Variants in FHOD3 observed in about 807,000 individuals in gnomAD.
FHOD3 encodes formin homology 2 domain containing 3, also known as FH1/FH2 domain-containing protein 3.
A neutral mutation model predicts 173.0 loss-of-function variants in FHOD3; 90 were observed. The observed-to-expected ratio is 0.52, with a 90% CI of 0.44 to 0.62. The LOEUF (loss-of-function observed/expected upper bound fraction) is 0.62, where lower values mean the gene tolerates loss of function less well. Among genes scored for constraint, FHOD3 ranks in the 20% least tolerant of loss-of-function variants. The pLI, the probability that FHOD3 is intolerant of heterozygous loss-of-function variation, is 0.00. For synonymous variants in FHOD3, 828 were observed against 823.0 expected (o/e 1.01, Z -0.10); for missense variants, 1,945 against 2,034.7 (o/e 0.96, Z 0.85).
chr18:36,649,840 T>C (rs1244267221), intron 11 of FHOD3, among the ~76,000 whole-genome samples: 1 of 152,234 alleles, frequency 6.6e-6, no homozygotes, highest in Non-Finnish European at 1.5e-5. Context: ...ATAACTACTA[T>C]ATTAATGATT....
chr18:36,394,724 C>T (rs557308099), intron 3 of FHOD3, among the ~76,000 whole-genome samples: 2 of 152,264 alleles, frequency 1.3e-5, no homozygotes, highest in African/African-American at 4.8e-5. Flanking sequence ...GGCCTGTAAT[C>T]AACTATGTCT....
intron 7 of FHOD3, among the ~76,000 whole-genome samples, chr18:36,596,224 G>A (rs748632930): frequency 4.0e-5 from 6 of 151,352 alleles, no homozygotes; most frequent in Non-Finnish European, 8.8e-5. Flanking sequence ...GCGCGATCTC[G>A]GCTCACTGCA....
chr18:36,314,473 A>C (rs2044023217), intron 1 of FHOD3, among the ~76,000 whole-genome samples: 1 of 152,230 alleles, frequency 6.6e-6, no homozygotes, highest in Admixed American at 6.5e-5. Context: ...GCAGTAATGG[A>C]GGAATGCAGC....
intron 5 of FHOD3, among the ~76,000 whole-genome samples, chr18:36,572,430 AG>A (rs1420141431): frequency 2.6e-5 from 4 of 152,160 alleles, no homozygotes; most frequent in Non-Finnish European, 5.9e-5. Context: ...GAATCTATTT[AG>A]CGCCATCTCG....
intron 1 of FHOD3, among the ~76,000 whole-genome samples, chr18:36,340,177 A>G (rs2045539815): frequency 6.6e-6 from 1 of 152,248 alleles, no homozygotes; most frequent in African/African-American, 2.4e-5. Context: ...GCTTTATGCA[A>G]GAGCTTTGAT....
At chr18:36,439,815 G>A (rs1028673226) in intron 3 of FHOD3, among the ~76,000 whole-genome samples, 1 of 152,124 alleles carries the variant, frequency 6.6e-6, no homozygotes, top group South Asian at 2.1e-4. Flanking sequence ...ATATCCTAGT[G>A]CAGGAAAAGA....
At chr18:36,692,995 C>T in intron 16 of FHOD3, 1 of 590,308 alleles carries the variant, frequency 1.7e-6, no homozygotes, top group Non-Finnish European at 3.0e-6. Flanking sequence ...TGCCATTTCC[C>T]CCAATTTGCT....
intron 14 of FHOD3, among the ~76,000 whole-genome samples, chr18:36,675,171 A>T (rs1399412429): frequency 6.6e-6 from 1 of 151,972 alleles, no homozygotes; most frequent in Non-Finnish European, 1.5e-5. Flanking sequence ...CCCACCCTCC[A>T]TGGCCACCTC....
intron 3 of FHOD3, among the ~76,000 whole-genome samples, chr18:36,400,839 T>C (rs2048771836): frequency 6.6e-6 from 1 of 151,866 alleles, no homozygotes; most frequent in Non-Finnish European, 1.5e-5. Context: ...AGAGGACCCA[T>C]CCCGGAAGCA....
chr18:36,776,805 G>C (rs1025267240), intron 28 of FHOD3, among the ~76,000 whole-genome samples: 2 of 152,156 alleles, frequency 1.3e-5, no homozygotes, highest in African/African-American at 4.8e-5. Context: ...ACGAGGGAGA[G>C]GGCACAGGCT....
chr18:36,529,547 G>A (rs377272239), intron 5 of FHOD3, among the ~76,000 whole-genome samples: 11 of 152,130 alleles, frequency 7.2e-5, no homozygotes, highest in East Asian at 1.9e-4. Flanking sequence ...GGCTGGGCAC[G>A]GTGGCTCACG....
chr18:36,638,986 C>T (rs1333356260), intron 10 of FHOD3, among the ~76,000 whole-genome samples: 1 of 152,132 alleles, frequency 6.6e-6, no homozygotes, highest in Non-Finnish European at 1.5e-5. Context: ...GTTATAACAG[C>T]CAGAACTGGA....
intron 4 of FHOD3, among the ~76,000 whole-genome samples, chr18:36,508,694 A>G (rs2055447985): frequency 6.6e-6 from 1 of 151,358 alleles, no homozygotes; most frequent in African/African-American, 2.4e-5. Context: ...CTAGCTTACT[A>G]TTTTGCAGAT....
intron 7 of FHOD3, among the ~76,000 whole-genome samples, chr18:36,595,406 C>T (rs528307235): frequency 3.3e-5 from 5 of 152,310 alleles, no homozygotes; most frequent in Admixed American, 1.3e-4. Context: ...AGTGGCTTCC[C>T]AGTGCTTATA....
chr18:36,550,184 T>C (rs1372296493), intron 5 of FHOD3, among the ~76,000 whole-genome samples: 2 of 149,792 alleles, frequency 1.3e-5, no homozygotes, highest in Non-Finnish European at 3.0e-5. Context: ...TGTGTGTGTG[T>C]TTGTATATAT....
intron 24 of FHOD3, among the ~76,000 whole-genome samples, chr18:36,747,927 C>G (rs1485207069): frequency 6.6e-6 from 1 of 152,124 alleles, no homozygotes; most frequent in Admixed American, 6.5e-5. Flanking sequence ...CCTTTCCTTT[C>G]TTTCCTCATC....
At chr18:36,625,295 G>A (rs2034014133) in intron 9 of FHOD3, among the ~76,000 whole-genome samples, 1 of 152,226 alleles carries the variant, frequency 6.6e-6, no homozygotes, top group African/African-American at 2.4e-5. Flanking sequence ...TCTGTTTGAT[G>A]GGAAGAACCT....
chr18:36,666,067 G>T (rs949905080), intron 14 of FHOD3, among the ~76,000 whole-genome samples: 2 of 152,360 alleles, frequency 1.3e-5, no homozygotes, highest in East Asian at 3.9e-4. Flanking sequence ...AACAGCCAGG[G>T]CCTGGAGGAA....
intron 3 of FHOD3, among the ~76,000 whole-genome samples, chr18:36,474,165 A>G (rs1049905816): frequency 5.3e-5 from 8 of 152,230 alleles, no homozygotes; most frequent in African/African-American, 1.9e-4. Flanking sequence ...AGGGACTCAG[A>G]TCCTTAAAGT....
Sources: allele counts gnomAD v4.1 joint callset (sites outside exome capture counted in the v4.1 genomes callset), GRCh38; gene constraint gnomAD v4.1.1; transcripts MANE v1.5; gene names NCBI Gene and HGNC (gene_info 2026-07-23, HGNC 2026-07-21).